Variants in RFTN2 observed in about 807,000 individuals in gnomAD.
The protein encoded by RFTN2 is raftlin family member 2, also known as raftlin-2.
Under a neutral mutation model 52.7 loss-of-function variants are expected in RFTN2, and 34 were observed. The observed-to-expected ratio is 0.64, with a 90% CI of 0.49 to 0.86. RFTN2 has a LOEUF of 0.86. Ranked by LOEUF, RFTN2 falls within the 40% of genes least tolerant of loss-of-function variation. The pLI is 0.00. For missense variants in RFTN2, 536 were observed against 600.1 expected (o/e 0.89, Z 1.12); for synonymous variants, 203 against 217.7 (o/e 0.93, Z 0.59).
chr2:197,603,531 G>C (rs775369028), intron 7 of RFTN2, among the ~76,000 whole-genome samples: 14 of 152,126 alleles, frequency 9.2e-5, no homozygotes, highest in Non-Finnish European at 1.9e-4. Context: ...TGCCCAGGCT[G>C]GTCTTGAATT....
intron 4 of RFTN2, among the ~76,000 whole-genome samples, chr2:197,632,872 A>C (rs948408125): frequency 6.6e-6 from 1 of 152,216 alleles, no homozygotes; most frequent in Non-Finnish European, 1.5e-5. Flanking sequence ...TGGAAGGATC[A>C]GTTAATAGCA....
intron 2 of RFTN2, among the ~76,000 whole-genome samples, chr2:197,644,498 TAGAA>T (rs766451896): frequency 1.2e-4 from 18 of 152,354 alleles, no homozygotes; most frequent in Middle Eastern, 3.4e-3. Flanking sequence ...ATTTGTCAGT[TAGAA>T]AGAAAGAAAA....
chr2:197,668,791 C>T (rs1574757221), intron 1 of RFTN2, among the ~76,000 whole-genome samples: 1 of 152,258 alleles, frequency 6.6e-6, no homozygotes, highest in Non-Finnish European at 1.5e-5. Flanking sequence ...CCCAGTATGC[C>T]CTTCCTCCCT....
intron 5 of RFTN2, among the ~76,000 whole-genome samples, chr2:197,618,187 C>A (rs1234412217): frequency 1.3e-5 from 2 of 151,982 alleles, no homozygotes; most frequent in Admixed American, 1.3e-4. Context: ...ACCTCCCTGC[C>A]TGATTCTCCT....
At chr2:197,627,286 G>A (rs1014276788) in intron 5 of RFTN2, among the ~76,000 whole-genome samples, 2 of 152,120 alleles carry the variant, frequency 1.3e-5, no homozygotes, top group African/African-American at 4.8e-5. Flanking sequence ...GGGACCTCCC[G>A]ACCACCTCTT....
At position 197,608,925 on chromosome 2, in the gene RFTN2, T is replaced by C. The variant is rs1173365255; in HGVS notation, c.1154+6951A>G. On this transcript the variant is annotated intron_variant, in intron 7 of 8. Coordinates refer to ENST00000295049, the MANE Select transcript of RFTN2 (RefSeq NM_144629.3). ...GTGTTACTTTACTGAGAATGATGGT[T>C]TCCAGTTTCATCTGTGTCCCTGCAA... Among the ~76,000 whole-genome samples the C allele has an allele frequency of 3.3e-5, 5 of 152,156 alleles. No homozygotes were observed. In the South Asian group the frequency reaches 1.0e-3, roughly 32 times the overall value.
chr2:197,581,564 G>A (rs914520194), intron 8 of RFTN2, among the ~76,000 whole-genome samples: 16 of 151,824 alleles, frequency 1.1e-4, no homozygotes, highest in East Asian at 3.9e-4. Flanking sequence ...TCAATATATC[G>A]ATGACCTTCT....
At chr2:197,587,621 G>A (rs991757600) in intron 8 of RFTN2, among the ~76,000 whole-genome samples, 3 of 150,586 alleles carry the variant, frequency 2.0e-5, no homozygotes, top group Non-Finnish European at 2.9e-5. Context: ...TTCTCCCTTC[G>A]CTGACTCTCT....
intron 7 of RFTN2, among the ~76,000 whole-genome samples, chr2:197,613,550 C>T (rs1167799248): frequency 6.6e-6 from 1 of 152,192 alleles, no homozygotes; most frequent in African/African-American, 2.4e-5. Flanking sequence ...GTATATAACA[C>T]TTTTCTTTAT....
intron 1 of RFTN2, among the ~76,000 whole-genome samples, chr2:197,662,278 CTT>C (rs1027348637): frequency 6.6e-6 from 1 of 151,984 alleles, no homozygotes; most frequent in African/African-American, 2.4e-5. Flanking sequence ...ATGTTTAAGT[CTT>C]TAGTCCAGTT....
intron 3 of RFTN2, among the ~76,000 whole-genome samples, chr2:197,635,436 G>C (rs1381969079): frequency 1.3e-5 from 2 of 152,142 alleles, no homozygotes; most frequent in African/African-American, 2.4e-5. Flanking sequence ...ATTCTAACTG[G>C]TGTGAGATGG....
intron 5 of RFTN2, among the ~76,000 whole-genome samples, chr2:197,622,156 T>C (rs2106219787): frequency 6.6e-6 from 1 of 152,262 alleles, no homozygotes; most frequent in African/African-American, 2.4e-5. Flanking sequence ...GGTTGGTTCA[T>C]GAAGTTTAAG....
At chr2:197,644,717 A>C (rs1349715704) in intron 2 of RFTN2, among the ~76,000 whole-genome samples, 1 of 152,204 alleles carries the variant, frequency 6.6e-6, no homozygotes, top group East Asian at 1.9e-4. Context: ...TAATCCTAAA[A>C]GCAGAAAAGA....
intron 5 of RFTN2, among the ~76,000 whole-genome samples, chr2:197,630,058 C>T (rs74265511): frequency 0.19 from 28,704 of 152,078 alleles, 2,828 homozygotes; most frequent in Middle Eastern, 0.28. Flanking sequence ...TATTTAGCAC[C>T]TGCTATGTGC....
chr2:197,654,766 G>A (rs748500565), intron 1 of RFTN2, among the ~76,000 whole-genome samples: 21 of 152,170 alleles, frequency 1.4e-4, no homozygotes, highest in African/African-American at 3.9e-4. Context: ...GGGAGGCCGC[G>A]GTGGGAGGAT....
intron 1 of RFTN2, among the ~76,000 whole-genome samples, chr2:197,659,477 T>TAAA (rs55804577): frequency 4.8e-4 from 45 of 94,652 alleles, no homozygotes; most frequent in African/African-American, 6.7e-4. Flanking sequence ...CTCCATCTCA[T>TAAA]AAAAAAAAAA....
rs188341015 is a variant in RFTN2, at chr2:197,646,380, C to T, written c.323+103G>A. On this transcript the variant is annotated intron_variant, in intron 2 of 8. Transcript: ENST00000295049. Reference sequence around the variant, plus strand: ...GGAAAATGTGCTTTAAACTAAAACCCCCATGTGTCCTTTATTCTCTGCCAC... The same window carrying T: ...GGAAAATGTGCTTTAAACTAAAACCTCCATGTGTCCTTTATTCTCTGCCAC... The T allele has an allele frequency of 4.4e-3, 3,683 of 846,116 alleles. 20 individuals carry two copies. Among genetic ancestry groups the T allele is most frequent in the Non-Finnish European group, 6.0e-3 (3,270 of 543,674 alleles). 52.4% of individuals were successfully genotyped at this position (846,116 alleles called of 1,614,324 possible). A position where few individuals can be genotyped will look rare whatever the true frequency, so the allele number is the denominator to read the frequency against.
chr2:197,636,692 C>G (rs2088572896), intron 3 of RFTN2, among the ~76,000 whole-genome samples: 2 of 150,052 alleles, frequency 1.3e-5, no homozygotes, highest in South Asian at 4.3e-4. Flanking sequence ...CAAACAGGGA[C>G]AATTTGACTT....
chr2:197,643,046 TG>T (rs1184637505), intron 3 of RFTN2, among the ~76,000 whole-genome samples: 2 of 152,198 alleles, frequency 1.3e-5, no homozygotes, highest in African/African-American at 4.8e-5. Flanking sequence ...TTAATTACAA[TG>T]CCAGTTGTAT....
Sources: allele counts gnomAD v4.1 joint callset (sites outside exome capture counted in the v4.1 genomes callset), GRCh38; gene constraint gnomAD v4.1.1; transcripts MANE v1.5; gene names NCBI Gene and HGNC (gene_info 2026-07-23, HGNC 2026-07-21).